Variants in DNAH5 observed in about 807,000 individuals in gnomAD.
DNAH5 encodes dynein axonemal heavy chain 5, also known as axonemal beta dynein heavy chain 5.
In DNAH5, 372 loss-of-function variants were observed where a neutral mutation model predicts 518.2. The ratio of observed to expected loss-of-function variants is 0.72; its 90% CI spans 0.66 to 0.78. The LOEUF (loss-of-function observed/expected upper bound fraction) is 0.78, where lower values mean the gene tolerates loss of function less well. DNAH5 is among the 30% of genes least tolerant of loss of function. The pLI is 0.00. For synonymous variants in DNAH5, 2,039 were observed against 2,025.9 expected (o/e 1.01, Z -0.17); for missense variants, 5,523 against 5,687.0 (o/e 0.97, Z 0.93).
At chr5:13,713,348 CATATATATACTGACAT>C (rs1743810327) in intron 75 of DNAH5, among the ~76,000 whole-genome samples, 1 of 139,648 alleles carries the variant, frequency 7.2e-6, no homozygotes, top group Non-Finnish European at 1.5e-5. Context: ...TATATACCGA[CATATATATACTGACAT>C]ATATATATAC....
Position 13,867,890 on chromosome 5 carries a change from C to A in DNAH5, c.3937G>T (p.Ala1313Ser). ...HYAWEKLLAR[A>S]GEVQNKLVSL... ...ACTAATTTATTCTGGACTTCGCCAG[C>A]ACGTGCCAGCAGCTTCTCCCAAGCA... Residue 1313 changes from alanine to serine, a missense_variant, in exon 25 of 79, where the codon GCT becomes TCT. Physicochemically the swap from Ala to Ser is moderately conservative, Grantham distance 99. Around this residue, in one of 3 missense-constraint regions of DNAH5, gnomAD observed 5,121 missense variants for 5,223.3 expected, o/e 0.98. Transcript: ENST00000265104. The A allele has an allele frequency of 1.9e-6, 3 of 1,614,078 alleles. No homozygotes were observed. Among genetic ancestry groups the A allele is most frequent in the Non-Finnish European group, 2.5e-6 (3 of 1,179,982 alleles).
intron 16 of DNAH5, among the ~76,000 whole-genome samples, chr5:13,891,722 A>C (rs1379705401): frequency 6.8e-6 from 1 of 146,734 alleles, no homozygotes; most frequent in East Asian, 1.9e-4. Context: ...ATTCCACAAG[A>C]AGTATTCAAC....
intron 12 of DNAH5, among the ~76,000 whole-genome samples, chr5:13,904,061 A>G (rs2151966622): frequency 6.6e-6 from 1 of 152,156 alleles, no homozygotes; most frequent in Admixed American, 6.5e-5. Flanking sequence ...AGGCTGATAA[A>G]ACAGTTAAAC....
Position 13,727,508 on chromosome 5 carries a change from T to G in DNAH5, c.12032A>C (p.Gln4011Pro), listed in dbSNP as rs1458030409. ...TTCTCTTTAATATGGACTTTTTACC[T>G]GGGCGATGGTTCTGTCAGGACACCA... ...RSWCPDRTIA[Q>P]ARKYIVDSMG... The change falls in exon 70 of 79, where the codon CAG becomes CCG. Residue 4011 changes from glutamine (Q) to proline (P), a missense_variant and splice_region_variant. Transcript: ENST00000265104. 6.2e-7 allele frequency: 1 copy of G among 1,612,032 alleles called. No homozygotes were observed. Among genetic ancestry groups the G allele is most frequent in the Non-Finnish European group, 8.5e-7 (1 of 1,178,770 alleles).
Position 13,778,049 on chromosome 5 carries a change from C to A in DNAH5, c.8952-694G>T, listed in dbSNP as rs544166315. Among the ~76,000 whole-genome samples, 8 of 152,226 alleles carry A rather than the reference C, an allele frequency of 5.3e-5. No homozygotes were observed. In the East Asian group the frequency reaches 1.4e-3, roughly 26 times the overall value. ...AAGTATAAATAAAATTATCCCAATT[C>A]TGGAGACTCAGACTTACTAAATTAT... On this transcript the variant is annotated intron_variant, in intron 53 of 78. Coordinates refer to ENST00000265104, the MANE Select transcript of DNAH5 (RefSeq NM_001369.3).
intron 21 of DNAH5, among the ~76,000 whole-genome samples, chr5:13,879,067 T>C (rs566322103): frequency 1.3e-5 from 2 of 152,284 alleles, no homozygotes; most frequent in Admixed American, 6.5e-5. Context: ...AGAGGCATCT[T>C]GAAATCTCTG....
rs1169202727 is a variant in DNAH5, at chr5:13,762,818, A to G, written c.10185T>C (p.Thr3395=). 2 of 1,613,986 alleles carry G rather than the reference A, an allele frequency of 1.2e-6. No individual in the cohort carries two copies. Among genetic ancestry groups the G allele is most frequent in the Non-Finnish European group, 1.7e-6 (2 of 1,179,928 alleles). Residue 3395 remains threonine, a synonymous_variant, in exon 60 of 79, where the codon ACT becomes ACC. Coordinates refer to ENST00000265104, the MANE Select transcript of DNAH5 (RefSeq NM_001369.3). ...CTACATTTCCACATACGCGTTTAGC[A>G]GTTTCGATGTTATAGTCAGGCATTT... ...YFEMPDYNIE[T]AKRVCGNVAG...
chr5:13,849,357 C>T lies in DNAH5; in HGVS notation c.5114+1295G>A, dbSNP rs112852145. 3.6e-3 allele frequency among the ~76,000 whole-genome samples: 553 copies of T among 152,280 alleles called. 4 individuals are homozygous for T. Among genetic ancestry groups the T allele is most frequent in the African/African-American group, 0.013 (529 of 41,562 alleles). On this transcript the variant is annotated intron_variant, in intron 31 of 78. Coordinates refer to ENST00000265104, the MANE Select transcript of DNAH5 (RefSeq NM_001369.3). ...TGCGGTGATTCCATTCCCTTAGTTC[C>T]CTGAATGAAGCCATTCCATTAGAGA...
At chr5:13,813,402 T>C (rs1760980785) in intron 43 of DNAH5, among the ~76,000 whole-genome samples, 1 of 150,452 alleles carries the variant, frequency 6.6e-6, no homozygotes, top group South Asian at 2.1e-4. Context: ...TAGTTTGCTG[T>C]ACCTGTGGTT....
At chr5:13,997,450 A>T (rs1381402565) in intron 1 of DNAH5, among the ~76,000 whole-genome samples, 2 of 152,186 alleles carry the variant, frequency 1.3e-5, no homozygotes, top group Non-Finnish European at 2.9e-5. Flanking sequence ...CTGAGACCTC[A>T]TCAAATGACC....
chr5:13,914,065 C>T, intron 10 of DNAH5, 107 bp from the exon 11 acceptor site: 1 of 1,363,006 alleles, frequency 7.3e-7, no homozygotes, highest in South Asian at 1.3e-5. Flanking sequence ...TAAGCCTTTT[C>T]ATAGTTTCAT....
At chr5:13,951,316 C>T (rs1490093584) in intron 1 of DNAH5, among the ~76,000 whole-genome samples, 1 of 144,442 alleles carries the variant, frequency 6.9e-6, no homozygotes, top group Admixed American at 7.2e-5. Flanking sequence ...TCTTGGGCTC[C>T]AGCAATCCTC....
intron 50 of DNAH5, among the ~76,000 whole-genome samples, chr5:13,791,681 A>G (rs1457395694): frequency 6.6e-6 from 1 of 152,224 alleles, no homozygotes; most frequent in Non-Finnish European, 1.5e-5. Flanking sequence ...ATTATTTAGT[A>G]TAAGAAACAT....
intron 52 of DNAH5, among the ~76,000 whole-genome samples, chr5:13,785,430 G>T (rs896612321): frequency 6.6e-6 from 1 of 152,026 alleles, no homozygotes; most frequent in African/African-American, 2.4e-5. Flanking sequence ...CTTTCATGGT[G>T]GATTTCATTC....
intron 53 of DNAH5, among the ~76,000 whole-genome samples, chr5:13,779,867 G>A (rs1754831923): frequency 6.6e-6 from 1 of 151,994 alleles, no homozygotes; most frequent in East Asian, 1.9e-4. Context: ...CAGCATCATG[G>A]CTTGCCCAGA....
rs144874278 is a variant in DNAH5, at chr5:13,824,931, G to A, written c.6445-598C>T. Among the ~76,000 whole-genome samples, 839 of 152,222 alleles carry A rather than the reference G, an allele frequency of 5.5e-3. 6 individuals are homozygous for A. The highest frequency in any genetic ancestry group is 7.3e-3 in the Non-Finnish European group (498 of 68,010). Reference sequence around the variant, plus strand: ...TGTCAAATTTCAGCATATATAAAGTGAATAATCAAAATTTATTTATCCAAT... The same window carrying A: ...TGTCAAATTTCAGCATATATAAAGTAAATAATCAAAATTTATTTATCCAAT... On this transcript the variant is annotated intron_variant, in intron 38 of 78. Transcript: ENST00000265104.
At chr5:13,708,467 T>C in intron 75 of DNAH5, 132 bp from the exon 76 acceptor site, 1 of 802,218 alleles carries the variant, frequency 1.2e-6, no homozygotes, top group South Asian at 1.6e-5. Flanking sequence ...ATTTATTGCA[T>C]GGCAAAAAGA....
In DNAH5 at chr5:13,786,229, C is replaced by G; in HGVS notation, c.8770G>C (p.Ala2924Pro). The G allele has an allele frequency of 6.2e-7, 1 of 1,614,000 alleles. No homozygotes were observed. Among genetic ancestry groups the G allele is most frequent in the South Asian group, 1.1e-5 (1 of 91,080 alleles). Residue 2924 changes from alanine (A) to proline (P), a missense_variant, in exon 52 of 79, where the codon GCC (alanine) becomes CCC (proline). Ala to Pro is a conservative substitution (Grantham distance 27). Coordinates refer to ENST00000265104, the MANE Select transcript of DNAH5 (RefSeq NM_001369.3). ...GCAAAGAACACCATGTCCATGCCGG[C>G]GCCACGGATGCTCTCATTATAGAGC... is the stretch of plus-strand genomic sequence containing the variant. Reference protein sequence around the residue: ...LQLYNESIRGAGMDMVFFADA... With the variant: ...LQLYNESIRGPGMDMVFFADA...
chr5:13,882,882 C>A (rs748737864), intron 20 of DNAH5, 22 bp downstream of exon 20: 7 of 1,614,020 alleles, frequency 4.3e-6, no homozygotes, highest in Non-Finnish European at 5.9e-6. Flanking sequence ...CATATGAAAC[C>A]ATTTCTGCAC....
Sources: gnomAD v4.1 joint callset for allele counts (sites outside exome capture counted in the v4.1 genomes callset) on GRCh38, gnomAD v4.1.1 for gene constraint, gnomAD v4.1.1 regional missense constraint, MANE v1.5 for transcripts, NCBI Gene and HGNC (gene_info 2026-07-23, HGNC 2026-07-21) for gene names.